Variants in FSTL4 observed in about 807,000 individuals in gnomAD.
The protein encoded by FSTL4 is follistatin-related protein 4.
FSTL4 carries 28 observed loss-of-function variants against 78.2 expected under a neutral mutation model. The observed-to-expected ratio is 0.36, with a 90% CI of 0.27 to 0.49. FSTL4 has a LOEUF of 0.49. Ranked by LOEUF, FSTL4 falls within the 20% of genes least tolerant of loss-of-function variation. The probability of loss-of-function intolerance (pLI) is 0.98; values close to 1 mark genes in which losing one functional copy is unlikely to be tolerated. For synonymous variants in FSTL4, 422 were observed against 440.5 expected (o/e 0.96, Z 0.53); for missense variants, 922 against 1,084.9 (o/e 0.85, Z 2.11).
At chr5:133,479,086 A>G (rs1178601773) in intron 3 of FSTL4, among the ~76,000 whole-genome samples, 1 of 152,226 alleles carries the variant, frequency 6.6e-6, no homozygotes, top group East Asian at 1.9e-4. Context: ...GAAAAATTCT[A>G]AAGTCCTTAT....
the FSTL4 span, among the ~76,000 whole-genome samples, chr5:133,703,454 T>A: frequency 6.6e-6 from 1 of 152,220 alleles, no homozygotes; most frequent in African/African-American, 2.4e-5. Context: ...ACACCAGGAC[T>A]GTCTCTGCCA....
intron 13 of FSTL4, among the ~76,000 whole-genome samples, chr5:133,211,740 T>A (rs895817066): frequency 6.6e-6 from 1 of 152,128 alleles, no homozygotes; most frequent in African/African-American, 2.4e-5. Flanking sequence ...CTCCCTGGCT[T>A]CTCCTCTTCA....
the FSTL4 span, among the ~76,000 whole-genome samples, chr5:133,674,559 G>A: frequency 2.0e-5 from 3 of 152,072 alleles, no homozygotes; most frequent in South Asian, 2.1e-4. Context: ...TAGAGAACGA[G>A]ACAGGCATAC....
chr5:133,422,382 C>T (rs368633692), intron 3 of FSTL4, among the ~76,000 whole-genome samples: 13 of 151,972 alleles, frequency 8.6e-5, no homozygotes, highest in East Asian at 5.8e-4. Context: ...GCAAGAGAGC[C>T]GGGCCTGGAC....
At chr5:133,623,679 A>C in the FSTL4 span, among the ~76,000 whole-genome samples, 1 of 152,054 alleles carries the variant, frequency 6.6e-6, no homozygotes, top group East Asian at 1.9e-4. Flanking sequence ...TTGTGTATCA[A>C]ATAACCTTAT....
chr5:133,698,456 G>T, the FSTL4 span, among the ~76,000 whole-genome samples: 1 of 152,212 alleles, frequency 6.6e-6, no homozygotes, highest in African/African-American at 2.4e-5. Flanking sequence ...TGGTGGGGTG[G>T]GTGGGGAGCA....
the FSTL4 span, among the ~76,000 whole-genome samples, chr5:133,780,204 G>A: frequency 6.6e-6 from 1 of 152,114 alleles, no homozygotes; most frequent in Non-Finnish European, 1.5e-5. Context: ...ATGCAGAACT[G>A]CCAAAGAGCC....
At chr5:133,771,278 G>A in the FSTL4 span, among the ~76,000 whole-genome samples, 1 of 151,898 alleles carries the variant, frequency 6.6e-6, no homozygotes, top group African/African-American at 2.4e-5. Context: ...AATTTGATAG[G>A]GGTTGCATTG....
chr5:133,441,411 T>C (rs1757157112), intron 3 of FSTL4, among the ~76,000 whole-genome samples: 1 of 152,116 alleles, frequency 6.6e-6, no homozygotes, highest in African/African-American at 2.4e-5. Context: ...GCCTTCAGTG[T>C]GTAGGAAACA....
At chr5:133,543,425 C>T (rs1334358989) in intron 3 of FSTL4, among the ~76,000 whole-genome samples, 1 of 152,154 alleles carries the variant, frequency 6.6e-6, no homozygotes, top group African/African-American at 2.4e-5. Context: ...TTATCTATTT[C>T]TCCTTATAAG....
rs543827314 is a variant in FSTL4 at position 133,503,076 on chromosome 5, A to G, written c.160+64110T>C. Among the ~76,000 whole-genome samples the G allele has an allele frequency of 2.6e-5, 4 of 152,350 alleles. No individual in the cohort carries two copies. In the South Asian group the frequency reaches 8.3e-4, roughly 32 times the overall value. On this transcript the variant is annotated intron_variant, in intron 3 of 15. Coordinates refer to ENST00000265342, the MANE Select transcript of FSTL4 (RefSeq NM_015082.2). ...TACAGAGACTGAGGAGGTTCACTGTATCAATGTAAAGTCATTTGCTTACTC... is the reference window on the plus strand; with the variant it reads ...TACAGAGACTGAGGAGGTTCACTGTGTCAATGTAAAGTCATTTGCTTACTC...
chr5:133,739,089 G>T, the FSTL4 span, among the ~76,000 whole-genome samples: 2 of 152,056 alleles, frequency 1.3e-5, no homozygotes, highest in Admixed American at 1.3e-4. Context: ...GCAACAGGAT[G>T]GCTACACAGC....
Position 133,447,998 on chromosome 5 carries a change from T to C in FSTL4, c.161-47012A>G, listed in dbSNP as rs893838581. Among the ~76,000 whole-genome samples, 15 of 152,300 alleles carry C rather than the reference T, an allele frequency of 9.8e-5. No homozygotes were observed. The East Asian group carries it at 1.5e-3, about 16-fold the overall frequency. ...ATTTCAGGTACCTTCAAGGAGGAAA[T>C]TGTCATTTCTCCTCTTTGTTTGCAT... is the stretch of plus-strand genomic sequence containing the variant. On this transcript the variant is annotated intron_variant, in intron 3 of 15. Transcript: ENST00000265342.
At chr5:133,514,173 C>T (rs921059341) in intron 3 of FSTL4, among the ~76,000 whole-genome samples, 8 of 130,762 alleles carry the variant, frequency 6.1e-5, no homozygotes, top group African/African-American at 1.1e-4. Context: ...AGCAAGACTC[C>T]GTCTCAATGA....
the FSTL4 span, among the ~76,000 whole-genome samples, chr5:133,632,165 C>A: frequency 1.3e-5 from 2 of 152,060 alleles, no homozygotes; most frequent in Non-Finnish European, 2.9e-5. Flanking sequence ...AGAATTATAT[C>A]ATATATACAT....
At chr5:133,777,441 CT>C in the FSTL4 span, among the ~76,000 whole-genome samples, 8,021 of 152,228 alleles carry the variant, frequency 0.053, 255 homozygotes, top group African/African-American at 0.061. Context: ...TAACTTATGT[CT>C]TGTTATGACC....
chr5:133,746,213 C>A, the FSTL4 span, among the ~76,000 whole-genome samples: 2 of 152,178 alleles, frequency 1.3e-5, no homozygotes, highest in African/African-American at 4.8e-5. Flanking sequence ...TTGAGATCTG[C>A]AAATCATGGA....
At chr5:133,498,067 C>G (rs2112874573) in intron 3 of FSTL4, among the ~76,000 whole-genome samples, 1 of 152,020 alleles carries the variant, frequency 6.6e-6, no homozygotes, top group East Asian at 1.9e-4. Flanking sequence ...CTCTGCTATC[C>G]CATAATATTC....
intron 1 of FSTL4, among the ~76,000 whole-genome samples, chr5:133,605,352 C>T (rs1760955666): frequency 6.6e-6 from 1 of 152,204 alleles, no homozygotes. Flanking sequence ...CATGAACTGG[C>T]TTAGGGCTGG....
Sources: allele counts gnomAD v4.1 joint callset (sites outside exome capture counted in the v4.1 genomes callset), GRCh38; gene constraint gnomAD v4.1.1; transcripts MANE v1.5; gene names NCBI Gene and HGNC (gene_info 2026-07-23, HGNC 2026-07-21).